The following ANXA11 variants were observed in gnomAD, a reference collection of about 807,000 sequenced individuals.
The protein encoded by ANXA11 is 56 kDa autoantigen.
In ANXA11, 57 loss-of-function variants were observed where a neutral mutation model predicts 64.7. The ratio of observed to expected loss-of-function variants is 0.88; its 90% confidence interval spans 0.71 to 1.10. The LOEUF is 1.10. ANXA11 is among the 50% of genes least tolerant of loss of function. The probability of loss-of-function intolerance (pLI) is 0.00; values close to 1 mark genes in which losing one functional copy is unlikely to be tolerated. For missense variants in ANXA11, 675 were observed against 670.7 expected (o/e 1.01, Z -0.07); for synonymous variants, 260 against 265.2 (o/e 0.98, Z 0.19).
chr10:80,159,115 C>G lies in ANXA11; in HGVS notation c.1261G>C (p.Gly421Arg), dbSNP rs745786156. ...AGACACTTACCCACGGCCAGCATGCCCTCCTCCAGGTCCCCGGACATCTCC... is the reference window on the plus strand; with the variant it reads ...AGACACTTACCCACGGCCAGCATGCGCTCCTCCAGGTCCCCGGACATCTCC... ...CREMSGDLEE[G>R]MLAVVKCLKN... is the part of the protein sequence containing the mutation. The change falls in exon 13 of 16, where the codon GGC becomes CGC. Residue 421 changes from glycine to arginine, a missense_variant. By Grantham distance (125) the Gly-to-Arg change is moderately radical. Coordinates refer to ENST00000422982, the MANE Select transcript of ANXA11 (RefSeq NM_145868.2). The G allele has an allele frequency of 1.2e-6, 2 of 1,614,030 alleles. No individual in the cohort carries two copies. The highest frequency in any genetic ancestry group is 4.5e-5 in the East Asian group (2 of 44,876).
rs1589418211 is a variant in ANXA11, at chr10:80,161,961, G to C, written c.1154C>G (p.Ser385Cys). The C allele has an allele frequency of 4.3e-6, 7 of 1,612,304 alleles. No individual in the cohort carries two copies. The highest frequency in any genetic ancestry group is 5.9e-6 in the Non-Finnish European group (7 of 1,179,516). Residue 385 changes from serine to cysteine, a missense_variant, in exon 12 of 16, where the codon TCC becomes TGC. Coordinates refer to ENST00000422982, the MANE Select transcript of ANXA11 (RefSeq NM_145868.2). ...TGCTACCAGGTGGGCCCGGCTCCGG[G>C]AGCACAGAACCGCATTGAACTTGGA... Reference protein sequence around the residue: ...DESKFNAVLCSRSRAHLVAVF... With the variant: ...DESKFNAVLCCRSRAHLVAVF...
intron 12 of ANXA11, 53 bp downstream of exon 12, chr10:80,161,882 T>C: frequency 6.8e-7 from 1 of 1,467,642 alleles, no homozygotes; most frequent in Non-Finnish European, 9.5e-7. Flanking sequence ...TTCCCCACAA[T>C]CCCCTGACTG....
At chr10:80,189,964 C>T (rs548180374) in intron 1 of ANXA11, among the ~76,000 whole-genome samples, 5 of 152,350 alleles carry the variant, frequency 3.3e-5, no homozygotes, top group Admixed American at 1.3e-4. Context: ...ACATATGCTA[C>T]AATGTGGATA....
intron 4 of ANXA11, 72 bp downstream of exon 4, chr10:80,170,728 G>T: frequency 8.1e-7 from 1 of 1,236,696 alleles, no homozygotes; most frequent in Non-Finnish European, 1.1e-6. Flanking sequence ...AGCCCCAGAG[G>T]CCAGCAGCTT....
In ANXA11 at chr10:80,170,867, G is replaced by A; in HGVS notation, c.104C>T (p.Pro35Leu). The A allele has an allele frequency of 1.3e-6, 2 of 1,546,544 alleles. No individual in the cohort carries two copies. Among genetic ancestry groups the A allele is most frequent in the Admixed American group, 2.1e-5 (1 of 47,748 alleles). ...GAAYPPPPSM[P>L]PIGLDNVATY... ...GGCCACGTTATCCAGCCCGATGGGG[G>A]GCATGCTGGGCGGAGGAGGGTAGGC... The change falls in exon 4 of 16, where the codon CCC becomes CTC. Residue 35 changes from proline to leucine, a missense_variant. By Grantham distance (98) the Pro-to-Leu change is moderately conservative. Transcript: ENST00000422982.
At chr10:80,159,334 C>T (rs984046215) in intron 12 of ANXA11, 139 bp from the exon 13 acceptor site, 6 of 677,204 alleles carry the variant, frequency 8.9e-6, no homozygotes, top group African/African-American at 5.4e-5. Context: ...TAAGTTAAAA[C>T]ATGCTGCTAG....
chr10:80,166,280 C>A, intron 7 of ANXA11, 83 bp from the exon 8 acceptor site: 1 of 785,584 alleles, frequency 1.3e-6, no homozygotes. Context: ...TAATAAGAGC[C>A]ATATCCCAGA....
chr10:80,166,616 G>GGAAAAAAA, intron 7 of ANXA11: 1 of 518,252 alleles, frequency 1.9e-6, no homozygotes, highest in East Asian at 3.4e-5. Flanking sequence ...GCAGGGGAAG[G>GGAAAAAAA]AAAATGATGT....
intron 12 of ANXA11, 63 bp from the exon 13 acceptor site, chr10:80,159,258 G>T: frequency 6.6e-6 from 9 of 1,355,048 alleles, no homozygotes; most frequent in Non-Finnish European, 9.5e-6. Flanking sequence ...TTCATATGTG[G>T]AAGTCCCAAC....
intron 1 of ANXA11, among the ~76,000 whole-genome samples, chr10:80,194,040 T>C (rs1042176886): frequency 6.6e-6 from 1 of 151,924 alleles, no homozygotes; most frequent in Admixed American, 6.6e-5. Flanking sequence ...CCTGGTGAAC[T>C]ATATTCTTCA....
chr10:80,166,293 T>C, intron 7 of ANXA11, 96 bp from the exon 8 acceptor site: 1 of 708,400 alleles, frequency 1.4e-6, no homozygotes, highest in East Asian at 2.7e-5. Flanking sequence ...ATCCCAGATT[T>C]GAGGAACAGC....
chr10:80,163,578 C>G lies in ANXA11; in HGVS notation c.985G>C (p.Asp329His), dbSNP rs563755093. The G allele has an allele frequency of 3.8e-6, 6 of 1,567,052 alleles. No individual in the cohort carries two copies. Among genetic ancestry groups the G allele is most frequent in the Non-Finnish European group, 5.2e-6 (6 of 1,155,516 alleles). The stretch of plus-strand genomic sequence containing the variant: ...AGCCGCTGGAAGTGCCCTGATGTGT[C>G]GCTTCGAATGGCCTCTTCCAGGGTC... ...KKTLEEAIRS[D>H]TSGHFQRLLI... Residue 329 changes from aspartate (D) to histidine (H), a missense_variant, in exon 10 of 16, where the codon GAC becomes CAC. Physicochemically the swap from Asp to His is moderately conservative, Grantham distance 81. Coordinates refer to ENST00000422982, the MANE Select transcript of ANXA11 (RefSeq NM_145868.2).
chr10:80,180,154 T>C (rs909830517), intron 1 of ANXA11, among the ~76,000 whole-genome samples: 1 of 152,088 alleles, frequency 6.6e-6, no homozygotes, highest in African/African-American at 2.4e-5. Context: ...AACACAGGAA[T>C]CTAGAAATGC....
At chr10:80,179,700 C>A (rs1023216224) in intron 1 of ANXA11, among the ~76,000 whole-genome samples, 1 of 152,182 alleles carries the variant, frequency 6.6e-6, no homozygotes, top group Non-Finnish European at 1.5e-5. Context: ...CATGGCCATA[C>A]AGGAGATCAA....
chr10:80,176,772 C>T (rs1846184661), intron 1 of ANXA11, among the ~76,000 whole-genome samples: 1 of 152,102 alleles, frequency 6.6e-6, no homozygotes, highest in Non-Finnish European at 1.5e-5. Flanking sequence ...AAGGGAGTTC[C>T]CAGCAGGAGT....
intron 5 of ANXA11, among the ~76,000 whole-genome samples, chr10:80,168,388 C>T (rs1371601376): frequency 6.6e-6 from 1 of 152,144 alleles, no homozygotes; most frequent in African/African-American, 2.4e-5. Flanking sequence ...AAGGAGTACT[C>T]GCCAGGGGTG....
chr10:80,151,139 CAG>C lies in ANXA11; in HGVS notation c.*4712_*4713del, dbSNP rs1845150601. On this transcript the variant is annotated 3_prime_UTR_variant, in exon 16 of 16. Transcript: ENST00000422982. ...ACATATCCAGGGTCACACAACAAATCAGGGGCTGAGCTGAGATCAGAATAAGG... is the reference window on the plus strand; with the variant it reads ...ACATATCCAGGGTCACACAACAAATCGGGCTGAGCTGAGATCAGAATAAGG... The C allele has an allele frequency of 6.6e-6, 1 of 152,190 alleles. No homozygotes were observed. Among genetic ancestry groups the C allele is most frequent in the East Asian group, 1.9e-4 (1 of 5,194 alleles). The allele number at this position is 152,190 out of a possible 1,614,324, so 9.4% of individuals were successfully genotyped here.
intron 1 of ANXA11, among the ~76,000 whole-genome samples, chr10:80,182,746 G>T (rs1051339397): frequency 3.3e-5 from 5 of 152,278 alleles, no homozygotes; most frequent in Middle Eastern, 3.4e-3. Context: ...GAAAGAAACT[G>T]ACGCATCTGC....
At chr10:80,179,464 G>A (rs1846281885) in intron 1 of ANXA11, among the ~76,000 whole-genome samples, 1 of 152,182 alleles carries the variant, frequency 6.6e-6, no homozygotes, top group Non-Finnish European at 1.5e-5. Context: ...TGTGAGAATG[G>A]ACGAATATAC....
Sources: allele counts gnomAD v4.1 joint callset (sites outside exome capture counted in the v4.1 genomes callset), GRCh38; gene constraint gnomAD v4.1.1; transcripts MANE v1.5; gene names NCBI Gene and HGNC (gene_info 2026-07-23, HGNC 2026-07-21).